NES: variants seen among roughly 807,000 people sequenced by gnomAD.
The protein encoded by NES is nestin.
Under a neutral mutation model 35.6 loss-of-function variants are expected in NES, and 27 were observed. The observed-to-expected ratio is 0.76, with a 90% CI of 0.56 to 1.04. The LOEUF (loss-of-function observed/expected upper bound fraction) is 1.04. NES is among the 50% of genes least tolerant of loss of function. The pLI is 0.00. For missense variants in NES, 1,867 were observed against 1,983.6 expected (o/e 0.94, Z 1.12); for synonymous variants, 822 against 824.2 (o/e 1.00, Z 0.04).
chr1:156,675,164 C>T (rs902350102), intron 2 of NES, 52 bp downstream of exon 2: 28 of 1,590,426 alleles, frequency 1.8e-5, no homozygotes, highest in Non-Finnish European at 2.4e-5. Flanking sequence ...TAGTCTGCCC[C>T]AGCATGTGTG....
Position 156,670,200 on chromosome 1 carries a change from C to T in NES, c.3988G>A (p.Glu1330Lys), listed in dbSNP as rs765528071. The T allele has an allele frequency of 3.7e-6, 6 of 1,613,984 alleles. No individual in the cohort carries two copies. The South Asian group carries it at 4.4e-5, about 12-fold the overall frequency. The change falls in exon 4 of 4, where the codon GAG becomes AAG. Residue 1330 changes from glutamate to lysine, a missense_variant. By Grantham distance (56) the Glu-to-Lys change is moderately conservative. Coordinates refer to ENST00000368223, the MANE Select transcript of NES (RefSeq NM_006617.2). The part of the protein sequence containing the change: ...RPPPQGETGK[E>K]GWDPAVLASE... ...GCCAGGACAGCAGGATCCCAGCCCT[C>T]CTTTCCAGTCTCCCCTTGAGGGGGT...
intron 1 of NES, 149 bp from the exon 2 acceptor site, chr1:156,675,489 T>C: frequency 4.7e-6 from 4 of 842,530 alleles, no homozygotes; most frequent in Non-Finnish European, 6.9e-6. Flanking sequence ...CCCTACCCTA[T>C]TCCCTGCCCA....
In NES at chr1:156,670,885, C is replaced by T. The variant is rs753710930; in HGVS notation, c.3303G>A (p.Pro1101=). 5.0e-6 allele frequency: 8 copies of T among 1,595,066 alleles called. No individual in the cohort carries two copies. Among genetic ancestry groups the T allele is most frequent in the East Asian group, 4.5e-5 (2 of 44,598 alleles). The change falls in exon 4 of 4, where the codon CCG becomes CCA. Residue 1101 remains proline (P), a synonymous_variant. Coordinates refer to ENST00000368223, the MANE Select transcript of NES (RefSeq NM_006617.2). The stretch of plus-strand genomic sequence containing the variant: ...CCCCCAGCCCTCCCACCCCCTGCCC[C>T]GGGCCTGGCTCAGCTCCCGCAGCAG... ...GESAAGAEPG[P]GQGVGGLGDP...
chr1:156,676,404 A>T lies in NES; in HGVS notation c.783+78T>A. ...AGCCAGCTAGCCCCACTCCCTTCCC[A>T]GAAGGTCTCTGAGCTTCATAAGGGA... On this transcript the variant is annotated intron_variant, in intron 1 of 3. Coordinates refer to ENST00000368223, the MANE Select transcript of NES (RefSeq NM_006617.2). The surrounding 1 kb of genome is among the most constrained non-coding windows in gnomAD (Gnocchi z 5.3). The T allele has an allele frequency of 6.8e-7, 1 of 1,467,194 alleles. No individual in the cohort carries two copies. The highest frequency in any genetic ancestry group is 1.7e-4 in the Middle Eastern group (1 of 5,792). 90.9% of individuals were successfully genotyped at this position (1,467,194 alleles called of 1,614,324 possible). A position where few individuals can be genotyped will look rare whatever the true frequency, so the allele number is the denominator to read the frequency against.
Position 156,672,281 on chromosome 1 carries a change from A to T in NES, c.1907T>A (p.Met636Lys). The T allele has an allele frequency of 6.2e-7, 1 of 1,602,218 alleles. No individual in the cohort carries two copies. The highest frequency in any genetic ancestry group is 8.5e-7 in the Non-Finnish European group (1 of 1,176,284). The change falls in exon 4 of 4, where the codon ATG becomes AAG. Residue 636 changes from methionine to lysine, a missense_variant. Met to Lys is a moderately conservative substitution (Grantham distance 95, BLOSUM62 -1). Transcript: ENST00000368223. ...CTCTAGATTACCTTCAAGAGATTTC[A>T]TTAGTTCTTGATTCTCCTTTTGCAG... Reference protein sequence around the residue: ...QSLQKENQELMKSLEGNLETF... With the variant: ...QSLQKENQELKKSLEGNLETF...
rs1679723083 is a variant in NES, at chr1:156,671,207, ACCT to A, written c.2978_2980del (p.Glu993del). On this transcript the variant is annotated inframe_deletion, in exon 4 of 4. Transcript: ENST00000368223. Reference sequence around the variant, plus strand: ...GGCATTCAGCTCTCCCTGCTCTACCACCTCCTCCTTCCCAGTGAAGCCATCCTG... The same window carrying A: ...GGCATTCAGCTCTCCCTGCTCTACCACCTCCTTCCCAGTGAAGCCATCCTG... 8 of 1,612,582 alleles carry A rather than the reference ACCT, an allele frequency of 5.0e-6. No homozygotes were observed. In the Admixed American group the frequency reaches 5.0e-5, roughly 10 times the overall value.
In NES at chr1:156,669,972, C is replaced by G. The variant is rs760327284; in HGVS notation, c.4216G>C (p.Asp1406His). ...LLLDPAAWDRDGESDGFADEE... is the reference protein window; with the variant it reads ...LLLDPAAWDRHGESDGFADEE... ...TCTGCAAACCCATCGGACTCCCCAT[C>G]TCGATCCCAGGCTGCAGGATCCAGT... Residue 1406 changes from aspartate to histidine, a missense_variant, in exon 4 of 4, where the codon GAT becomes CAT. Asp to His is a moderately conservative substitution (Grantham distance 81). Transcript: ENST00000368223. 1 of 1,613,734 alleles carries G rather than the reference C, an allele frequency of 6.2e-7. No individual in the cohort carries two copies. The highest frequency in any genetic ancestry group is 1.1e-5 in the South Asian group (1 of 91,072).
At position 156,669,794 on chromosome 1, in the gene NES, ACACT is replaced by A; in HGVS notation, c.4390_4393del (p.Val1467ProfsTer6). Reference sequence around the variant, plus strand: ...CAAGCTGTCATCCCAGGGGACACTGACACTCACAGAATCAGACTCCAGGAATTCC... The same window carrying A: ...CAAGCTGTCATCCCAGGGGACACTGACACAGAATCAGACTCCAGGAATTCC... On this transcript the variant is annotated frameshift_variant, in exon 4 of 4. Coordinates refer to ENST00000368223, the MANE Select transcript of NES (RefSeq NM_006617.2). LOFTEE classifies it low-confidence loss of function (END_TRUNC). The A allele has an allele frequency of 4.3e-6, 7 of 1,613,964 alleles. No individual in the cohort carries two copies. In the East Asian group the frequency reaches 8.9e-5, roughly 21 times the overall value.
Position 156,669,720 on chromosome 1 carries a change from G to A in NES, c.4468C>T (p.Gln1490Ter). ...GAGCCAGAAGGCTCAGCACTGTCCT[G>A]GGACTCCGTTTCCAGGGCAGTCTTG... ...APKTALETES[Q>*]DSAEPSGSEE... The change falls in exon 4 of 4, where the codon CAG becomes TAG. Residue 1490 changes from glutamine (Q) to a stop codon, truncating the protein, a stop_gained. Transcript: ENST00000368223. LOFTEE classifies it low-confidence loss of function (END_TRUNC). The A allele has an allele frequency of 1.2e-6, 2 of 1,614,002 alleles. No individual in the cohort carries two copies. The highest frequency in any genetic ancestry group is 2.2e-5 in the South Asian group (2 of 91,082).
chr1:156,670,859 T>TCCCCCCCCCCCCCCCCCCCCC lies in NES; in HGVS notation c.3328_3329insGGGGGGGGGGGGGGGGGGGGG (p.Gly1109_Asp1110insGlyGlyGlyGlyGlyGlyGly). 1 of 1,609,336 alleles carries TCCCCCCCCCCCCCCCCCCCCC rather than the reference T, an allele frequency of 6.2e-7. No individual in the cohort carries two copies. Among genetic ancestry groups the TCCCCCCCCCCCCCCCCCCCCC allele is most frequent in the Non-Finnish European group, 8.5e-7 (1 of 1,176,928 alleles). Reference sequence around the variant, plus strand: ...CTCTTCCCTGGTCAGATGGCCTGGGTCCCCCAGCCCTCCCACCCCCTGCCC... The same window carrying TCCCCCCCCCCCCCCCCCCCCC: ...CTCTTCCCTGGTCAGATGGCCTGGGTCCCCCCCCCCCCCCCCCCCCCCCCCCAGCCCTCCCACCCCCTGCCC... On this transcript the variant is annotated inframe_insertion, in exon 4 of 4. Coordinates refer to ENST00000368223, the MANE Select transcript of NES (RefSeq NM_006617.2).
chr1:156,673,286 G>A (rs1679775169), intron 3 of NES, 81 bp from the exon 4 acceptor site: 1 of 1,318,366 alleles, frequency 7.6e-7, no homozygotes. Flanking sequence ...CCGCTGGCAA[G>A]AGTATCCATG....
Position 156,671,052 on chromosome 1 carries a change from G to A in NES, c.3136C>T (p.Gln1046Ter), listed in dbSNP as rs746404004. 2.5e-5 allele frequency: 41 copies of A among 1,613,606 alleles called. No homozygotes were observed. The South Asian group carries it at 4.0e-4, about 16-fold the overall frequency. ...EGLQDPEGQS[Q>*]QVGAPGLQAP... is the part of the protein sequence containing the mutation. ...TGGAGGCCTGGGGCCCCCACCTGTT[G>A]TGATTGCCCTTCAGGGTCCTGGAGG... The change falls in exon 4 of 4, where the codon CAA becomes TAA. Residue 1046 changes from glutamine to a stop codon, truncating the protein, a stop_gained. Coordinates refer to ENST00000368223, the MANE Select transcript of NES (RefSeq NM_006617.2). LOFTEE classifies it low-confidence loss of function (END_TRUNC).
intron 2 of NES, among the ~76,000 whole-genome samples, chr1:156,674,076 C>G (rs532972918): frequency 2.6e-4 from 39 of 152,272 alleles, no homozygotes; most frequent in African/African-American, 9.4e-4. Context: ...CCTTTTCATG[C>G]CTCAAAAAAT....
chr1:156,673,204 G>T lies in NES; in HGVS notation c.984C>A (p.Asp328Glu). 2.6e-6 allele frequency: 4 copies of T among 1,510,288 alleles called. No individual in the cohort carries two copies. Among genetic ancestry groups the T allele is most frequent in the Non-Finnish European group, 2.7e-6 (3 of 1,129,558 alleles). 93.6% of individuals were successfully genotyped at this position (1,510,288 alleles called of 1,614,324 possible). ...TAGGGAATTGCAGCTCCAGCTTGGGGTCTGGAAAGGCAGAGGGGGAAGAAA... is the reference window on the plus strand; with the variant it reads ...TAGGGAATTGCAGCTCCAGCTTGGGTTCTGGAAAGGCAGAGGGGGAAGAAA... ...GGSKTSLSFQ[D>E]PKLELQFPRT... Residue 328 changes from aspartate to glutamate, a missense_variant and splice_region_variant, in exon 4 of 4, where the codon GAC (aspartate) becomes GAA (glutamate). Transcript: ENST00000368223.
chr1:156,669,342 A>C lies in NES; in HGVS notation c.4846T>G (p.Trp1616Gly). 1 of 1,580,062 alleles carries C rather than the reference A, an allele frequency of 6.3e-7. No homozygotes were observed. The highest frequency in any genetic ancestry group is 8.6e-7 in the Non-Finnish European group (1 of 1,157,172). ...TTTTCCTAGTCCTCCCCTGAGGACCAGGACTCTCTATCTCCTTCCCTCTGA... is the reference window on the plus strand; with the variant it reads ...TTTTCCTAGTCCTCCCCTGAGGACCCGGACTCTCTATCTCCTTCCCTCTGA... ...FTQREGDRES[W>G]SSGED is the part of the protein sequence containing the mutation. The change falls in exon 4 of 4, where the codon TGG (tryptophan) becomes GGG (glycine). Residue 1616 changes from tryptophan (W) to glycine (G), a missense_variant. By Grantham distance (184) the Trp-to-Gly change is radical. Transcript: ENST00000368223.
intron 2 of NES, 97 bp from the exon 3 acceptor site, chr1:156,673,624 C>A: frequency 1.3e-6 from 1 of 751,558 alleles, no homozygotes; most frequent in Non-Finnish European, 2.2e-6. Context: ...TTGCACCATC[C>A]AGGCCCTGCA....
Position 156,672,330 on chromosome 1 carries a change from C to A in NES, c.1858G>T (p.Glu620Ter). The A allele has an allele frequency of 6.2e-7, 1 of 1,611,972 alleles. No individual in the cohort carries two copies. Among genetic ancestry groups the A allele is most frequent in the Non-Finnish European group, 8.5e-7 (1 of 1,179,570 alleles). Reference sequence around the variant, plus strand: ...AGGGATTGCAATGTCTGTGTGTCCTCTTTTCCTGTAGGCTTAAGTTGGCCT... The same window carrying A: ...AGGGATTGCAATGTCTGTGTGTCCTATTTTCCTGTAGGCTTAAGTTGGCCT... ...AVGQLKPTGKEDTQTLQSLQK... is the reference protein window; with the variant it reads ...AVGQLKPTGK The change falls in exon 4 of 4, where the codon GAG becomes TAG. Residue 620 changes from glutamate (E) to a stop codon, truncating the protein, a stop_gained. Transcript: ENST00000368223. LOFTEE classifies it low-confidence loss of function (END_TRUNC).
In NES at chr1:156,669,497, C is replaced by T. The variant is rs2102583011; in HGVS notation, c.4691G>A (p.Gly1564Glu). ...MNGLEQSEEV[G>E]QGMPLVSEGD... ...CTCAGAGACTAGCGGCATTCCTTGCCCCACTTCCTCAGACTGCTCCAGCCC... is the reference window on the plus strand; with the variant it reads ...CTCAGAGACTAGCGGCATTCCTTGCTCCACTTCCTCAGACTGCTCCAGCCC... Residue 1564 changes from glycine to glutamate, a missense_variant, in exon 4 of 4, where the codon GGG (glycine) becomes GAG (glutamate). Gly to Glu is a moderately conservative substitution (Grantham distance 98). Coordinates refer to ENST00000368223, the MANE Select transcript of NES (RefSeq NM_006617.2). 2.5e-6 allele frequency: 4 copies of T among 1,613,082 alleles called. No individual in the cohort carries two copies. The highest frequency in any genetic ancestry group is 3.4e-6 in the Non-Finnish European group (4 of 1,179,330).
rs1448901926 is a variant in NES, at chr1:156,670,168, C to T, written c.4020G>A (p.Glu1340=). The change falls in exon 4 of 4, where the codon GAG becomes GAA. Residue 1340 remains glutamate, a synonymous_variant. Transcript: ENST00000368223. ...TTTCTGAGGGTGGGGCCTCAAGGCCCTCGGAAGCCAGGACAGCAGGATCCC... is the reference window on the plus strand; with the variant it reads ...TTTCTGAGGGTGGGGCCTCAAGGCCTTCGGAAGCCAGGACAGCAGGATCCC... ...EGWDPAVLAS[E]GLEAPPSEKE... 2 of 1,614,060 alleles carry T rather than the reference C, an allele frequency of 1.2e-6. No individual in the cohort carries two copies. The highest frequency in any genetic ancestry group is 2.2e-5 in the East Asian group (1 of 44,876).
Sources: allele counts gnomAD v4.1 joint callset (sites outside exome capture counted in the v4.1 genomes callset), GRCh38; gene constraint gnomAD v4.1.1; non-coding constraint Gnocchi (gnomAD v3.1); transcripts MANE v1.5; gene names NCBI Gene and HGNC (gene_info 2026-07-23, HGNC 2026-07-21).